The following MID1 variants were observed in gnomAD, a reference collection of about 807,000 sequenced individuals.
MID1 encodes the protein E3 ubiquitin-protein ligase Midline-1.
A neutral mutation model predicts 40.4 loss-of-function variants in MID1; 7 were observed. The observed-to-expected ratio is 0.17, with a 90% confidence interval of 0.10 to 0.33. MID1 has a LOEUF of 0.33. MID1 is among the 10% of genes least tolerant of loss of function. The pLI, the probability that MID1 is intolerant of heterozygous loss-of-function variation, is 1.00. For missense variants in MID1, 367 were observed against 558.5 expected, an observed-to-expected ratio of 0.66 and a Z score of 3.46; for synonymous variants, 229 against 221.2, an observed-to-expected ratio of 1.04 and a Z score of -0.31.
At chrX:10,636,012 T>C (rs1465526621) in intron 1 of MID1, among the ~76,000 whole-genome samples, 2 of 112,136 alleles carry the variant, frequency 1.8e-5, no homozygotes, top group African/African-American at 3.2e-5. Context: ...TACCTAACTA[T>C]AGATATTCCA....
Position 10,630,485 on chromosome X carries a change from A to G in MID1, c.-186-10066T>C, listed in dbSNP as rs886314417. On this transcript the variant is annotated intron_variant, in intron 1 of 10. Transcript: ENST00000380785. Reference sequence around the variant, plus strand: ...GGTTGGAGCAGAGGGAGGAAGCACTACAGTAGTAGGAGCTGAAGTCTCAGG... The same window carrying G: ...GGTTGGAGCAGAGGGAGGAAGCACTGCAGTAGTAGGAGCTGAAGTCTCAGG... 8.3e-5 allele frequency among the ~76,000 whole-genome samples: 9 copies of G among 108,857 alleles called. No homozygotes were observed. In the East Asian group the frequency reaches 2.6e-3, roughly 32 times the overall value. 94.5% of individuals were successfully genotyped at this position (108,857 alleles called of 115,157 possible).
intron 2 of MID1, among the ~76,000 whole-genome samples, chrX:10,565,884 A>C (rs1934514231): frequency 9.5e-6 from 1 of 105,132 alleles, no homozygotes; most frequent in African/African-American, 3.6e-5. Flanking sequence ...ATCTTGGGTC[A>C]CTGCAACATC....
At chrX:10,482,733 AGTTC>A in intron 4 of MID1, 105 bp from the exon 5 acceptor site, 1 of 861,428 alleles carries the variant, frequency 1.2e-6, no homozygotes. Context: ...CTTCCATAAA[AGTTC>A]AAAAAGTAGG....
chrX:10,582,598 G>A (rs142212102), intron 1 of MID1, among the ~76,000 whole-genome samples: 56 of 112,087 alleles, frequency 5.0e-4, no homozygotes, highest in African/African-American at 1.7e-3. Context: ...GCAAGAAAGT[G>A]ATAAGAACTT....
At chrX:10,461,728 A>T (rs1429098520) in intron 7 of MID1, among the ~76,000 whole-genome samples, 2 of 112,225 alleles carry the variant, frequency 1.8e-5, no homozygotes, top group Non-Finnish European at 3.8e-5. Context: ...ATATTCCTAG[A>T]TCTTTGTCAA....
chrX:10,494,790 AAAG>A (rs1414907890), intron 4 of MID1, among the ~76,000 whole-genome samples: 46 of 107,950 alleles, frequency 4.3e-4, no homozygotes, highest in African/African-American at 1.4e-3. Context: ...AAAAAAAAAA[AAAG>A]AAGAAGAAAA....
At chrX:10,552,594 G>T (rs972062167) in intron 2 of MID1, among the ~76,000 whole-genome samples, 3 of 105,919 alleles carry the variant, frequency 2.8e-5, no homozygotes, top group African/African-American at 6.9e-5. Context: ...TTTTTTAATT[G>T]TTTTTTTTTC....
intron 4 of MID1, 120 bp from the exon 5 acceptor site, chrX:10,482,748 C>G: frequency 1.4e-6 from 1 of 730,181 alleles, no homozygotes; most frequent in Non-Finnish European, 2.1e-6. Context: ...AAAAAGTAGG[C>G]ATAGAGATAT....
intron 5 of MID1, chrX:10,475,100 C>G (rs1162129244): frequency 3.0e-6 from 1 of 337,976 alleles, no homozygotes; most frequent in African/African-American, 2.6e-5. Context: ...GCGCGTAGCT[C>G]TAGGCATTTC....
chrX:10,823,891 T>G (rs1350191942), intron 1 of MID1, among the ~76,000 whole-genome samples: 1 of 111,758 alleles, frequency 8.9e-6, no homozygotes, highest in African/African-American at 3.2e-5. Context: ...GTATTATGTA[T>G]TTAAATTTAA....
At chrX:10,572,165 CTCTA>C (rs201125576) in intron 1 of MID1, among the ~76,000 whole-genome samples, 9,855 of 103,793 alleles carry the variant, frequency 0.095, 810 homozygotes, top group African/African-American at 0.26. Flanking sequence ...CTCTCTCTCT[CTCTA>C]TATATATATG....
chrX:10,784,248 A>G (rs1406977139), intron 1 of MID1, among the ~76,000 whole-genome samples: 1 of 110,875 alleles, frequency 9.0e-6, no homozygotes, highest in African/African-American at 3.3e-5. Context: ...AACTCCAAAG[A>G]ACTTACACTT....
chrX:10,703,483 T>C (rs2147083596), intron 1 of MID1, among the ~76,000 whole-genome samples: 1 of 111,036 alleles, frequency 9.0e-6, no homozygotes, highest in Admixed American at 9.6e-5. Context: ...CTGGCCAACA[T>C]AGTGAAACCC....
chrX:10,653,738 AC>A (rs1488071121), intron 1 of MID1, among the ~76,000 whole-genome samples: 2 of 113,318 alleles, frequency 1.8e-5, no homozygotes, highest in East Asian at 5.5e-4. Context: ...AGGTTAAAAA[AC>A]ATTGATAAGT....
At position 10,694,572 on chromosome X, in the gene MID1, G is replaced by A. The variant is rs754484292; in HGVS notation, c.-186-74153C>T. On this transcript the variant is annotated intron_variant, in intron 1 of 10. Transcript: ENST00000380785. ...TTTTTCCAGAGGAATCAACTTTTGC[G>A]AAGGGTAAGTCGGAATTAGCCTAGT... is the stretch of plus-strand genomic sequence containing the variant. Among the ~76,000 whole-genome samples, 5 of 111,964 alleles carry A rather than the reference G, an allele frequency of 4.5e-5. No homozygotes were observed. The South Asian group carries it at 1.1e-3, about 25-fold the overall frequency.
chrX:10,483,884 G>T lies in MID1; in HGVS notation c.865-1256C>A, dbSNP rs1930475334. The stretch of plus-strand genomic sequence containing the variant: ...GGAAATTCATACTGAATTAGAAGCA[G>T]CAGGCACAAGATTTCAGGCAAGGGT... On this transcript the variant is annotated intron_variant, in intron 4 of 9. Coordinates refer to ENST00000317552, the MANE Select transcript of MID1 (RefSeq NM_000381.4). Among the ~76,000 whole-genome samples the T allele has an allele frequency of 2.7e-5, 3 of 112,227 alleles. No homozygotes were observed. The Admixed American group carries it at 2.8e-4, about 11-fold the overall frequency.
At position 10,716,412 on chromosome X, in the gene MID1, G is replaced by A. The variant is rs62589987; in HGVS notation, c.-186-95993C>T. On this transcript the variant is annotated intron_variant, in intron 1 of 10. Coordinates refer to the MID1 transcript ENST00000380785. Reference sequence around the variant, plus strand: ...CGTGATGAATGCACAAGCCTCAGCAGCTGATTTGATCAACTGGAAGAAAGG... The same window carrying A: ...CGTGATGAATGCACAAGCCTCAGCAACTGATTTGATCAACTGGAAGAAAGG... 6.6e-3 allele frequency among the ~76,000 whole-genome samples: 746 copies of A among 112,254 alleles called. 3 individuals are homozygous for A. Among genetic ancestry groups the A allele is most frequent in the Non-Finnish European group, 9.7e-3 (518 of 53,262 alleles).
intron 1 of MID1, among the ~76,000 whole-genome samples, chrX:10,617,800 T>C (rs764082791): frequency 6.2e-5 from 7 of 112,177 alleles, no homozygotes; most frequent in Non-Finnish European, 1.3e-4. Context: ...GCAAATTCCT[T>C]CTCAAGGAAG....
intron 1 of MID1, among the ~76,000 whole-genome samples, chrX:10,769,481 T>C (rs111431977): frequency 0.059 from 6,615 of 111,676 alleles, 510 homozygotes; most frequent in African/African-American, 0.21. Context: ...GACTGTTGTA[T>C]GCCCTCGGAA....
Sources: allele counts gnomAD v4.1 joint callset (sites outside exome capture counted in the v4.1 genomes callset), GRCh38; gene constraint gnomAD v4.1.1; transcripts MANE v1.5; gene names NCBI Gene and HGNC (gene_info 2026-07-23, HGNC 2026-07-21).